Variants in ARHGAP29 observed in about 807,000 individuals in gnomAD.
ARHGAP29 encodes the protein Rho GTPase activating protein 29, also known as rho GTPase-activating protein 29.
A neutral mutation model predicts 122.6 loss-of-function variants in ARHGAP29; 43 were observed. The ratio of observed to expected loss-of-function variants is 0.35; its 90% CI spans 0.27 to 0.45. The LOEUF is 0.45. ARHGAP29 is among the 20% of genes least tolerant of loss of function. ARHGAP29 has a pLI of 1.00. For missense variants in ARHGAP29, 1,303 were observed against 1,477.2 expected (o/e 0.88, Z 1.93); for synonymous variants, 506 against 497.1 (o/e 1.02, Z -0.24).
Position 94,205,083 on chromosome 1 carries a change from C to A in ARHGAP29, c.675G>T (p.Trp225Cys). ...WSKYTKNIVS[W>C]VEKKLNLELE... is the part of the protein sequence containing the mutation. ...CACCCAAGTTAAGCTTTTTTTCAAC[C>A]CATGAAACTATGTTCTTAGTATATT... Residue 225 changes from tryptophan to cysteine, a missense_variant, in exon 7 of 23, where the codon TGG (tryptophan) becomes TGT (cysteine). Physicochemically the swap from Trp to Cys is radical, Grantham distance 215 (BLOSUM62 -2). Transcript: ENST00000260526. 1 of 1,578,714 alleles carries A rather than the reference C, an allele frequency of 6.3e-7. No homozygotes were observed.
chr1:94,253,636 A>ACACGCACGCACG (rs66700832), intron 1 of ARHGAP29, among the ~76,000 whole-genome samples: 8,240 of 149,308 alleles, frequency 0.055, 366 homozygotes, highest in Non-Finnish European at 0.077. Context: ...TCTGGAACAC[A>ACACGCACGCACG]CACGCACGCA....
At chr1:94,256,708 A>G (rs998253293) in intron 1 of ARHGAP29, among the ~76,000 whole-genome samples, 7 of 150,356 alleles carry the variant, frequency 4.7e-5, no homozygotes, top group African/African-American at 1.5e-4. Context: ...ACAGGCGCCC[A>G]CTACCACGCC....
intron 1 of ARHGAP29, among the ~76,000 whole-genome samples, chr1:94,269,216 T>C (rs1187281002): frequency 6.6e-6 from 1 of 152,196 alleles, no homozygotes; most frequent in African/African-American, 2.4e-5. Context: ...TTCGTGAGCA[T>C]TCATGTAATT....
In ARHGAP29 at chr1:94,179,976, A is replaced by T. The variant is rs1281072750; in HGVS notation, c.2248-19T>A. 1.9e-6 allele frequency: 3 copies of T among 1,539,998 alleles called. No homozygotes were observed. In the African/African-American group the frequency reaches 4.1e-5, roughly 21 times the overall value. On this transcript the variant is annotated intron_variant, in intron 19 of 22. Coordinates refer to ENST00000260526, the MANE Select transcript of ARHGAP29 (RefSeq NM_004815.4). ...CTGGGAGCTAAAGAAATAAAATTAC[A>T]TTGGGGTAAGCATTCTATTTTTTTC...
At chr1:94,261,402 G>A (rs952433197) in intron 1 of ARHGAP29, among the ~76,000 whole-genome samples, 9 of 152,028 alleles carry the variant, frequency 5.9e-5, no homozygotes, top group South Asian at 2.1e-4. Flanking sequence ...TGTGTTATGC[G>A]TGCAGGTCAA....
the ARHGAP29 span, among the ~76,000 whole-genome samples, chr1:94,292,414 G>A: frequency 1.5e-4 from 23 of 152,198 alleles, 2 homozygotes; most frequent in Admixed American, 1.2e-3. Flanking sequence ...CCTTTAGCTC[G>A]GAGAAGTTTG....
intron 20 of ARHGAP29, among the ~76,000 whole-genome samples, chr1:94,178,846 G>T (rs1013691724): frequency 2.0e-5 from 3 of 152,098 alleles, no homozygotes; most frequent in Non-Finnish European, 4.4e-5. Flanking sequence ...TTGCTGTATT[G>T]CAGCCTAACC....
intron 12 of ARHGAP29, among the ~76,000 whole-genome samples, chr1:94,197,767 T>C (rs1030461792): frequency 2.6e-5 from 4 of 152,168 alleles, no homozygotes; most frequent in African/African-American, 7.2e-5. Flanking sequence ...TATCAAATAA[T>C]GCAGAAAAAT....
chr1:94,289,949 T>G, the ARHGAP29 span, among the ~76,000 whole-genome samples: 1 of 152,228 alleles, frequency 6.6e-6, no homozygotes, highest in Non-Finnish European at 1.5e-5. Context: ...TGGTCTAAAA[T>G]TCTCTTTTTC....
intron 1 of ARHGAP29, among the ~76,000 whole-genome samples, chr1:94,263,395 TAA>T (rs35165466): frequency 6.7e-6 from 1 of 148,408 alleles, no homozygotes; most frequent in African/African-American, 2.5e-5. Flanking sequence ...ACTTAAAAGT[TAA>T]AAAAAAAAAG....
intron 1 of ARHGAP29, among the ~76,000 whole-genome samples, chr1:94,251,823 T>C (rs1464860599): frequency 6.6e-6 from 1 of 152,220 alleles, no homozygotes; most frequent in Non-Finnish European, 1.5e-5. Flanking sequence ...TTTTTGATAC[T>C]CCCTTTCTTC....
At chr1:94,219,922 A>G (rs1332101717) in intron 3 of ARHGAP29, among the ~76,000 whole-genome samples, 7 of 152,154 alleles carry the variant, frequency 4.6e-5, no homozygotes, top group Non-Finnish European at 8.8e-5. Flanking sequence ...CTCCAATTTC[A>G]ATTTGTCCTC....
intron 1 of ARHGAP29, among the ~76,000 whole-genome samples, chr1:94,268,061 CAAA>C (rs553319525): frequency 6.6e-6 from 1 of 151,884 alleles, no homozygotes; most frequent in Non-Finnish European, 1.5e-5. Flanking sequence ...TTCTGATAAA[CAAA>C]AAAACTAGTA....
chr1:94,219,754 T>C (rs766700262), intron 3 of ARHGAP29, among the ~76,000 whole-genome samples: 19 of 152,222 alleles, frequency 1.2e-4, no homozygotes, highest in South Asian at 2.1e-4. Flanking sequence ...TGCTAAGTTT[T>C]AGCACATATA....
intron 22 of ARHGAP29, among the ~76,000 whole-genome samples, chr1:94,175,233 T>G (rs145860201): frequency 6.6e-6 from 1 of 152,152 alleles, no homozygotes; most frequent in African/African-American, 2.4e-5. Flanking sequence ...CCTTAGATGC[T>G]CTCCATATCT....
At chr1:94,289,220 G>A in the ARHGAP29 span, among the ~76,000 whole-genome samples, 10 of 152,202 alleles carry the variant, frequency 6.6e-5, no homozygotes, top group Non-Finnish European at 1.2e-4. Flanking sequence ...TTGTAAGTTG[G>A]ATTCCTAGCT....
chr1:94,308,952 G>A, the ARHGAP29 span, among the ~76,000 whole-genome samples: 2 of 152,176 alleles, frequency 1.3e-5, no homozygotes, highest in Admixed American at 1.3e-4. Flanking sequence ...GTGGGTCAAG[G>A]CTGCCTGCAG....
chr1:94,169,746 A>G lies in ARHGAP29; in HGVS notation c.*4123T>C, dbSNP rs1648608301. Among the ~76,000 whole-genome samples the G allele has an allele frequency of 1.3e-5, 2 of 152,154 alleles. No homozygotes were observed. The highest frequency in any genetic ancestry group is 2.9e-5 in the Non-Finnish European group (2 of 68,038). On this transcript the variant is annotated 3_prime_UTR_variant, in exon 23 of 23. Transcript: ENST00000260526. ...CCAGGGCTCCTTGGAAAAAAGGGCT[A>G]ATTCTAGACTTGGGGTAGGGAGTAG...
At chr1:94,274,765 C>T (rs1655120641) in intron 1 of ARHGAP29, among the ~76,000 whole-genome samples, 1 of 152,214 alleles carries the variant, frequency 6.6e-6, no homozygotes, top group Non-Finnish European at 1.5e-5. Context: ...CACCCAGCTC[C>T]ACTCTCCAGG....
Sources: allele counts gnomAD v4.1 joint callset (sites outside exome capture counted in the v4.1 genomes callset), GRCh38; gene constraint gnomAD v4.1.1; transcripts MANE v1.5; gene names NCBI Gene and HGNC (gene_info 2026-07-23, HGNC 2026-07-21).